RYR1: variants seen among roughly 807,000 people sequenced by gnomAD.
The protein encoded by RYR1 is ryanodine receptor 1, also known as central core disease of muscle.
RYR1 carries 342 observed loss-of-function variants against 583.5 expected under a neutral mutation model. That is an observed-to-expected ratio of 0.59 (90% CI 0.54 to 0.64). The LOEUF (loss-of-function observed/expected upper bound fraction) is 0.64, where lower values mean the gene tolerates loss of function less well. Among genes scored for constraint, RYR1 ranks in the 30% least tolerant of loss-of-function variants. The pLI, the probability that RYR1 is intolerant of heterozygous loss-of-function variation, is 0.00. For synonymous variants in RYR1, 2,791 were observed against 2,822.5 expected (o/e 0.99, Z 0.35); for missense variants, 6,032 against 6,917.2 (o/e 0.87, Z 4.54).
At chr19:38,524,253 C>A (rs1438805994) in intron 70 of RYR1, among the ~76,000 whole-genome samples, 2 of 146,550 alleles carry the variant, frequency 1.4e-5, no homozygotes, top group Non-Finnish European at 3.0e-5. Context: ...GGGCTGAGGT[C>A]AAGGGTAATG....
intron 88 of RYR1, among the ~76,000 whole-genome samples, chr19:38,547,113 C>T (rs1453564131): frequency 6.6e-6 from 1 of 150,822 alleles, no homozygotes; most frequent in African/African-American, 2.4e-5. Flanking sequence ...GATCTCGGCT[C>T]ACTGCAAGCT....
At chr19:38,452,354 T>C (rs950520043) in intron 12 of RYR1, among the ~76,000 whole-genome samples, 6 of 151,928 alleles carry the variant, frequency 3.9e-5, no homozygotes, top group Non-Finnish European at 8.8e-5. Flanking sequence ...GGAAGGAGGA[T>C]TGCTTGAGCC....
rs960157171 is a variant in RYR1 at position 38,489,511 on chromosome 19, G to A, written c.5814+68G>A. 8.8e-6 allele frequency: 14 copies of A among 1,583,678 alleles called. No individual in the cohort carries two copies. In the East Asian group the frequency reaches 2.0e-4, roughly 23 times the overall value. Reference sequence around the variant, plus strand: ...CTGGGAGACACAGGGTAGGTGGGATGTGAGTCTGGACTTCGTCCTCAGGCA... The same window carrying A: ...CTGGGAGACACAGGGTAGGTGGGATATGAGTCTGGACTTCGTCCTCAGGCA... On this transcript the variant is annotated intron_variant, in intron 35 of 105. Coordinates refer to ENST00000359596, the MANE Select transcript of RYR1 (RefSeq NM_000540.3).
chr19:38,455,700 T>G lies in RYR1; in HGVS notation c.1740T>G (p.Asn580Lys). The change falls in exon 16 of 106, where the codon AAT (asparagine) becomes AAG (lysine). Residue 580 changes from asparagine (N) to lysine (K), a missense_variant. This residue lies in a region of RYR1 where 2,627 missense variants were observed against 2,961.3 expected (regional missense o/e 0.89). Transcript: ENST00000359596. ...SPEVLNIIQE[N>K]HIKSIISLLD... ...AGGTTCTGAACATCATCCAGGAGAA[T>G]CACATCAAGTCCATCATCTCCCTCC... 6.2e-7 allele frequency: 1 copy of G among 1,613,784 alleles called. No individual in the cohort carries two copies.
chr19:38,473,798 G>T, intron 28 of RYR1, 27 bp downstream of exon 28: 1 of 1,479,060 alleles, frequency 6.8e-7, no homozygotes, highest in Non-Finnish European at 9.0e-7. Flanking sequence ...CCAGAGTGGG[G>T]ATTGGGGGCT....
Position 38,457,982 on chromosome 19 carries a change from G to A in RYR1, c.1926-69G>A, listed in dbSNP as rs1284669599. On this transcript the variant is annotated intron_variant, in intron 17 of 105. Transcript: ENST00000359596. Reference sequence around the variant, plus strand: ...GTCTTTGGATGTCTGTCTCTCTCTGGCTTCCCACCACTTGGCTCTCCTCTC... The same window carrying A: ...GTCTTTGGATGTCTGTCTCTCTCTGACTTCCCACCACTTGGCTCTCCTCTC... The A allele has an allele frequency of 2.6e-6, 4 of 1,533,704 alleles. No homozygotes were observed. In the African/African-American group the frequency reaches 4.1e-5, roughly 16 times the overall value.
intron 65 of RYR1, among the ~76,000 whole-genome samples, chr19:38,516,746 C>A (rs1212843815): frequency 1.3e-5 from 2 of 152,150 alleles, no homozygotes; most frequent in East Asian, 3.9e-4. Flanking sequence ...ATGTATCGAG[C>A]AGTTACTATG....
chr19:38,485,752 C>G lies in RYR1; in HGVS notation c.5097C>G (p.Asp1699Glu). 6.2e-7 allele frequency: 1 copy of G among 1,612,940 alleles called. No homozygotes were observed. Among genetic ancestry groups the G allele is most frequent in the Non-Finnish European group, 8.5e-7 (1 of 1,179,952 alleles). ...DQAQLLHALE[D>E]AHLPGPLRAG... ...CTCAGCTGCTGCACGCCCTGGAGGA[C>G]GCGCACCTGCCAGGCCCACTGCGCG... The change falls in exon 34 of 106, where the codon GAC becomes GAG. Residue 1699 changes from aspartate to glutamate, a missense_variant. Coordinates refer to ENST00000359596, the MANE Select transcript of RYR1 (RefSeq NM_000540.3).
In RYR1 at chr19:38,499,953, C is replaced by T. The variant is rs12973632; in HGVS notation, c.7260C>T (p.His2420=). The T allele has an allele frequency of 0.035, 56,939 of 1,614,042 alleles. 1,230 individuals carry two copies. The highest frequency in any genetic ancestry group is 0.074 in the Admixed American group (4,413 of 60,022). ...AAGAAAACCGGGTGCACCTGGGACA[C>T]GCCATCATGTCCTTCTATGCCGCCT... ...PPEENRVHLG[H]AIMSFYAALI... The change falls in exon 45 of 106, where the codon CAC becomes CAT. Residue 2420 remains histidine, a synonymous_variant. Transcript: ENST00000359596. This position sits in a 1 kb window ranked among gnomAD's most constrained non-coding sequence, Gnocchi z 7.3.
At position 38,485,697 on chromosome 19, in the gene RYR1, C is replaced by A. The variant is rs1032892846; in HGVS notation, c.5042C>A (p.Ala1681Glu). 3 of 1,611,234 alleles carry A rather than the reference C, an allele frequency of 1.9e-6. No homozygotes were observed. The African/African-American group carries it at 4.0e-5, about 22-fold the overall frequency. Residue 1681 changes from alanine to glutamate, a missense_variant, in exon 34 of 106, where the codon GCG becomes GAG. Physicochemically the swap from Ala to Glu is moderately radical, Grantham distance 107 (BLOSUM62 -1). Coordinates refer to ENST00000359596, the MANE Select transcript of RYR1 (RefSeq NM_000540.3). The part of the protein sequence containing the change: ...AVCALGNNRV[A>E]HALCSHVDQA... ...TGCGCCCTGGGCAACAATCGCGTGGCGCACGCTCTGTGCAGCCACGTAGAC... is the reference window on the plus strand; with the variant it reads ...TGCGCCCTGGGCAACAATCGCGTGGAGCACGCTCTGTGCAGCCACGTAGAC...
chr19:38,542,262 G>A (rs1600983481), intron 84 of RYR1, among the ~76,000 whole-genome samples: 2 of 152,092 alleles, frequency 1.3e-5, no homozygotes, highest in African/African-American at 4.8e-5. Context: ...ATGAACAAGT[G>A]ACCAATCCAT....
intron 95 of RYR1, 88 bp from the exon 96 acceptor site, chr19:38,573,089 G>C (rs1973796027): frequency 5.0e-6 from 8 of 1,594,624 alleles, no homozygotes; most frequent in Non-Finnish European, 6.8e-6. Context: ...GTCACACACA[G>C]ACCCCAGCAA....
intron 105 of RYR1, 89 bp downstream of exon 105, chr19:38,586,665 T>A: frequency 7.8e-7 from 1 of 1,285,262 alleles, no homozygotes; most frequent in Non-Finnish European, 1.1e-6. Flanking sequence ...AAAGCTCCTA[T>A]CAATATCAAG....
chr19:38,515,153 G>A (rs770282362), intron 64 of RYR1, 46 bp downstream of exon 64: 25 of 816,626 alleles, frequency 3.1e-5, no homozygotes, highest in Non-Finnish European at 1.0e-5. Flanking sequence ...GGCTGGAGGG[G>A]AAGGGAGGGA....
At position 38,459,135 on chromosome 19, in the gene RYR1, G is replaced by T; in HGVS notation, c.2168-11G>T. The T allele has an allele frequency of 1.2e-6, 2 of 1,612,392 alleles. No homozygotes were observed. The highest frequency in any genetic ancestry group is 1.1e-5 in the South Asian group (1 of 91,024). On this transcript the variant is annotated splice_polypyrimidine_tract_variant and intron_variant, in intron 18 of 105. Transcript: ENST00000359596. ...CTGTGACGTCTGACCCATCTCTGGT[G>T]ACTGATGCAGGACACGTGGCACGCC...
At chr19:38,475,211 G>A in intron 28 of RYR1, 107 bp from the exon 29 acceptor site, 2 of 1,446,734 alleles carry the variant, frequency 1.4e-6, no homozygotes, top group Non-Finnish European at 1.9e-6. Flanking sequence ...AAGACCTGGG[G>A]TATTAGAAGC....
chr19:38,504,410 C>T, intron 50 of RYR1, 50 bp downstream of exon 50: 1 of 1,597,880 alleles, frequency 6.3e-7, no homozygotes, highest in Non-Finnish European at 8.5e-7. Flanking sequence ...GGTTTGGGGC[C>T]CAAAATTGGG....
intron 27 of RYR1, among the ~76,000 whole-genome samples, chr19:38,471,378 A>G (rs1036095118): frequency 6.6e-6 from 1 of 152,084 alleles, no homozygotes; most frequent in African/African-American, 2.4e-5. Context: ...AGAATAAACA[A>G]AATTATCTGG....
Position 38,520,754 on chromosome 19 carries a change from G to A in RYR1, c.10259+1300G>A, listed in dbSNP as rs572047467. ...ATTCACCTCTTTTGTCTTGGTGGTC[G>A]TGTGACATTCTCTGCTGTTGGATAT... On this transcript the variant is annotated intron_variant, in intron 67 of 105. Transcript: ENST00000359596. Among the ~76,000 whole-genome samples, 15 of 149,040 alleles carry A rather than the reference G, an allele frequency of 1.0e-4. No individual in the cohort carries two copies. The East Asian group carries it at 1.0e-3, about 10-fold the overall frequency.
Sources: allele counts gnomAD v4.1 joint callset (sites outside exome capture counted in the v4.1 genomes callset), GRCh38; gene constraint gnomAD v4.1.1; regional missense constraint gnomAD v4.1.1; non-coding constraint Gnocchi (gnomAD v3.1); transcripts MANE v1.5; gene names NCBI Gene and HGNC (gene_info 2026-07-23, HGNC 2026-07-21).